EXOC4: variants seen among roughly 807,000 people sequenced by gnomAD.
EXOC4 encodes SEC8-like 1.
In EXOC4, 71 loss-of-function variants were observed where a neutral mutation model predicts 107.2. That is an observed-to-expected ratio of 0.66 (90% CI 0.55 to 0.81). The LOEUF is 0.81. EXOC4 is among the 30% of genes least tolerant of loss of function. The pLI is 0.00. For missense variants in EXOC4, 1,108 were observed against 1,189.6 expected, an observed-to-expected ratio of 0.93 and a Z score of 1.01; for synonymous variants, 456 against 441.2, an observed-to-expected ratio of 1.03 and a Z score of -0.42.
rs1793958838 is a variant in EXOC4 at position 133,275,124 on chromosome 7, C to G, written c.229C>G (p.Gln77Glu). The change falls in exon 2 of 18, where the codon CAG becomes GAG. Residue 77 changes from glutamine to glutamate, a missense_variant. By Grantham distance (29) the Gln-to-Glu change is conservative. Transcript: ENST00000253861. The stretch of plus-strand genomic sequence containing the variant: ...ATTGACGACAGCCATTCGCACATAC[C>G]AGAGCATCACAGAGCGCATCACTAA... ...TELTTAIRTYQSITERITNSR... is the reference protein window; with the variant it reads ...TELTTAIRTYESITERITNSR... The G allele has an allele frequency of 6.2e-7, 1 of 1,607,494 alleles. No homozygotes were observed. The highest frequency in any genetic ancestry group is 1.1e-5 in the South Asian group (1 of 90,174).
chr7:133,597,120 C>A (rs560755211), intron 9 of EXOC4, among the ~76,000 whole-genome samples: 1 of 152,274 alleles, frequency 6.6e-6, no homozygotes, highest in South Asian at 2.1e-4. Context: ...GAGCAGCCCC[C>A]CTCCTCACCT....
At position 133,490,969 on chromosome 7, in the gene EXOC4, C is replaced by T. The variant is rs988947550; in HGVS notation, c.1417+10831C>T. ...AGGCTGGAAATATTGGTAGGGCCCA[C>T]GGCACAACCTATTTCTAAAGTACCT... On this transcript the variant is annotated intron_variant, in intron 9 of 17. Coordinates refer to ENST00000253861, the MANE Select transcript of EXOC4 (RefSeq NM_021807.4). 5.9e-5 allele frequency among the ~76,000 whole-genome samples: 9 copies of T among 152,104 alleles called. 1 individual carries two copies. Among genetic ancestry groups the T allele is most frequent in the African/African-American group, 1.4e-4 (6 of 41,430 alleles).
the EXOC4 span, among the ~76,000 whole-genome samples, chr7:134,095,410 G>C: frequency 6.6e-6 from 1 of 152,128 alleles, no homozygotes; most frequent in Non-Finnish European, 1.5e-5. Flanking sequence ...GCAATCTACA[G>C]ATTCAATGTT....
intron 7 of EXOC4, among the ~76,000 whole-genome samples, chr7:133,429,087 C>G (rs1257034448): frequency 6.6e-6 from 1 of 152,050 alleles, no homozygotes; most frequent in Non-Finnish European, 1.5e-5. Flanking sequence ...AGGTGATTGA[C>G]AGCACGGGTT....
rs1295327204 is a variant in EXOC4, at chr7:133,916,786, A to G, written c.1872-797A>G. Among the ~76,000 whole-genome samples the G allele has an allele frequency of 2.0e-5, 3 of 152,356 alleles. No individual in the cohort carries two copies. The East Asian group carries it at 5.8e-4, about 29-fold the overall frequency. On this transcript the variant is annotated intron_variant, in intron 12 of 17. Transcript: ENST00000253861. ...TAATTGGCACTCCTTTCATAAATAA[A>G]TGTCATTTCTGTCACCTAGTATTGC...
chr7:133,952,931 A>C (rs1190449969), intron 14 of EXOC4, among the ~76,000 whole-genome samples: 1 of 152,154 alleles, frequency 6.6e-6, no homozygotes, highest in African/African-American at 2.4e-5. Flanking sequence ...TCTTTTGCCT[A>C]TTGTGAGTAA....
the EXOC4 span, among the ~76,000 whole-genome samples, chr7:134,082,743 A>G: frequency 6.6e-6 from 1 of 152,134 alleles, no homozygotes; most frequent in African/African-American, 2.4e-5. Flanking sequence ...CCGGCCTACT[A>G]CAACCTGTTT....
intron 8 of EXOC4, among the ~76,000 whole-genome samples, chr7:133,478,719 C>T (rs540403671): frequency 1.3e-5 from 2 of 152,108 alleles, no homozygotes; most frequent in South Asian, 4.1e-4. Flanking sequence ...CTGTTTAAGT[C>T]CTGCCTTATT....
intron 9 of EXOC4, among the ~76,000 whole-genome samples, chr7:133,538,857 A>AAGAG (rs1554469398): frequency 0.41 from 29,122 of 71,734 alleles, 6,295 homozygotes; most frequent in Admixed American, 0.54. Context: ...GAAAGAAAGA[A>AAGAG]AGAGAGAGAG....
At chr7:133,576,606 G>A (rs1423327930) in intron 9 of EXOC4, 2 of 1,289,738 alleles carry the variant, frequency 1.6e-6, no homozygotes, top group Non-Finnish European at 2.0e-6. Flanking sequence ...TCTCAAGGGG[G>A]TAGAGATAAC....
At chr7:133,372,346 A>G (rs1271173915) in intron 6 of EXOC4, among the ~76,000 whole-genome samples, 5 of 152,150 alleles carry the variant, frequency 3.3e-5, no homozygotes, top group African/African-American at 1.2e-4. Flanking sequence ...CCTAGCTACT[A>G]TTACACCTCC....
chr7:133,971,361 T>TAGGGAGAG (rs1801226931), intron 14 of EXOC4, among the ~76,000 whole-genome samples: 1 of 75,090 alleles, frequency 1.3e-5, no homozygotes, highest in African/African-American at 6.1e-5. Context: ...TATATATATA[T>TAGGGAGAG]AGAGAGAGAG....
chr7:133,277,972 G>A (rs1025247174), intron 2 of EXOC4, among the ~76,000 whole-genome samples: 3 of 152,156 alleles, frequency 2.0e-5, no homozygotes, highest in South Asian at 2.1e-4. Flanking sequence ...ATTGGGCTAC[G>A]TTATCTCAGA....
intron 17 of EXOC4, among the ~76,000 whole-genome samples, chr7:134,050,985 A>G (rs1241525474): frequency 6.6e-6 from 1 of 152,160 alleles, no homozygotes; most frequent in Non-Finnish European, 1.5e-5. Context: ...GGAAAGAAGA[A>G]ATGAATATGA....
intron 9 of EXOC4, among the ~76,000 whole-genome samples, chr7:133,506,173 G>A (rs1213865151): frequency 6.6e-6 from 1 of 152,088 alleles, no homozygotes; most frequent in Non-Finnish European, 1.5e-5. Flanking sequence ...GAATAAATTA[G>A]GGAGGATATA....
chr7:133,278,049 A>G (rs528268696), intron 2 of EXOC4, among the ~76,000 whole-genome samples: 81 of 152,286 alleles, frequency 5.3e-4, no homozygotes, highest in Non-Finnish European at 9.7e-4. Context: ...TGCCAAAAGA[A>G]TAAGGATTCA....
intron 14 of EXOC4, among the ~76,000 whole-genome samples, chr7:133,977,053 G>GCCCAGAAATTGT (rs1793854200): frequency 6.6e-6 from 1 of 152,126 alleles, no homozygotes; most frequent in South Asian, 2.1e-4. Context: ...AACCTGTGGA[G>GCCCAGAAATTGT]CCCAGAAATT....
chr7:133,362,879 A>G (rs1796165523), intron 6 of EXOC4, among the ~76,000 whole-genome samples: 1 of 152,150 alleles, frequency 6.6e-6, no homozygotes, highest in South Asian at 2.1e-4. Context: ...AATGCAGGAC[A>G]TGGTGGAATT....
intron 10 of EXOC4, among the ~76,000 whole-genome samples, chr7:133,789,112 C>T (rs1190633131): frequency 6.6e-6 from 1 of 152,092 alleles, no homozygotes; most frequent in Non-Finnish European, 1.5e-5. Flanking sequence ...CCTGTTAAAA[C>T]ACAGGGTAGA....
Sources: gnomAD v4.1 joint callset for allele counts (sites outside exome capture counted in the v4.1 genomes callset) on GRCh38, gnomAD v4.1.1 for gene constraint, MANE v1.5 for transcripts, NCBI Gene and HGNC (gene_info 2026-07-23, HGNC 2026-07-21) for gene names.